The following CHCHD3 variants were observed in gnomAD, a reference collection of about 807,000 sequenced individuals.
CHCHD3 encodes the protein MICOS complex subunit MIC19.
A neutral mutation model predicts 38.2 loss-of-function variants in CHCHD3; 20 were observed. That is an observed-to-expected ratio of 0.52 (90% CI 0.37 to 0.76). The LOEUF is 0.76. Ranked by LOEUF, CHCHD3 falls within the 30% of genes least tolerant of loss-of-function variation. The pLI is 0.00. For missense variants in CHCHD3, 245 were observed against 279.2 expected (o/e 0.88, Z 0.87); for synonymous variants, 82 against 100.0 (o/e 0.82, Z 1.07).
At chr7:133,039,601 C>T (rs1401738310) in intron 2 of CHCHD3, among the ~76,000 whole-genome samples, 1 of 152,190 alleles carries the variant, frequency 6.6e-6, no homozygotes, top group African/African-American at 2.4e-5. Flanking sequence ...CCAACATTTT[C>T]CGCACTTGAA....
chr7:133,079,830 T>C (rs1330539134), intron 1 of CHCHD3, among the ~76,000 whole-genome samples: 1 of 152,236 alleles, frequency 6.6e-6, no homozygotes, highest in Non-Finnish European at 1.5e-5. Flanking sequence ...TAATTTCAAG[T>C]TGATACTCTT....
chr7:132,888,880 G>T (rs1327408011), intron 4 of CHCHD3, among the ~76,000 whole-genome samples: 1 of 152,076 alleles, frequency 6.6e-6, no homozygotes, highest in Non-Finnish European at 1.5e-5. Flanking sequence ...GGGAGGAGCA[G>T]AAGGGAGGGA....
intron 5 of CHCHD3, among the ~76,000 whole-genome samples, chr7:132,860,809 A>C (rs1808472031): frequency 2.0e-5 from 3 of 152,156 alleles, no homozygotes; most frequent in Admixed American, 6.5e-5. Context: ...TTTTTAGTAG[A>C]GACAAGGTTT....
intron 7 of CHCHD3, among the ~76,000 whole-genome samples, chr7:132,794,483 G>A (rs534221453): frequency 1.3e-5 from 2 of 152,252 alleles, no homozygotes; most frequent in Admixed American, 6.5e-5. Context: ...AACTACTGCC[G>A]AAATGTAAGG....
At chr7:132,965,152 TA>T (rs1025170578) in intron 4 of CHCHD3, among the ~76,000 whole-genome samples, 2 of 152,076 alleles carry the variant, frequency 1.3e-5, no homozygotes, top group Non-Finnish European at 2.9e-5. Context: ...TTAGCTGCAG[TA>T]ATTTCTGCTT....
At chr7:132,843,795 C>A (rs1277632636) in intron 5 of CHCHD3, among the ~76,000 whole-genome samples, 7 of 152,064 alleles carry the variant, frequency 4.6e-5, no homozygotes, top group Non-Finnish European at 1.0e-4. Flanking sequence ...GTTAACCCTG[C>A]AGTTCGTAGT....
intron 4 of CHCHD3, among the ~76,000 whole-genome samples, chr7:132,893,582 T>C (rs967638098): frequency 2.0e-5 from 3 of 152,232 alleles, no homozygotes; most frequent in African/African-American, 7.2e-5. Flanking sequence ...CAGGGTGGAA[T>C]GACATGGTTT....
At chr7:132,996,074 T>C (rs948098989) in intron 3 of CHCHD3, among the ~76,000 whole-genome samples, 1 of 152,206 alleles carries the variant, frequency 6.6e-6, no homozygotes, top group Non-Finnish European at 1.5e-5. Context: ...TCTAGATTTA[T>C]GGTAAAAAAA....
chr7:132,901,439 G>T (rs886475494), intron 4 of CHCHD3, among the ~76,000 whole-genome samples: 16 of 152,164 alleles, frequency 1.1e-4, no homozygotes, highest in African/African-American at 3.9e-4. Context: ...GCCATCATCT[G>T]CCCATTAAAG....
intron 4 of CHCHD3, among the ~76,000 whole-genome samples, chr7:132,961,783 C>T (rs1811327993): frequency 6.6e-6 from 1 of 152,246 alleles, no homozygotes; most frequent in Non-Finnish European, 1.5e-5. Context: ...AATCTCCCCA[C>T]TTCTCCCAGT....
intron 4 of CHCHD3, among the ~76,000 whole-genome samples, chr7:132,898,117 G>C (rs181280434): frequency 1.9e-4 from 29 of 152,244 alleles, no homozygotes; most frequent in African/African-American, 6.5e-4. Context: ...AGACCTTCGC[G>C]GTGAGTGTTA....
chr7:132,853,988 T>C (rs1298856762), intron 5 of CHCHD3, among the ~76,000 whole-genome samples: 2 of 152,216 alleles, frequency 1.3e-5, no homozygotes, highest in African/African-American at 4.8e-5. Flanking sequence ...GATTTTACCC[T>C]ATCAAACTGG....
chr7:133,027,387 A>AGAG (rs1562941602), intron 2 of CHCHD3, among the ~76,000 whole-genome samples: 3 of 59,360 alleles, frequency 5.1e-5, no homozygotes, highest in African/African-American at 1.4e-4. Flanking sequence ...GAGAGAGAGA[A>AGAG]AGAGAGAGAG....
At chr7:132,815,501 A>G in intron 6 of CHCHD3, 1 of 451,726 alleles carries the variant, frequency 2.2e-6, no homozygotes, top group African/African-American at 2.0e-5. Context: ...AATGCCAGTC[A>G]CAGTTTCACT....
intron 2 of CHCHD3, among the ~76,000 whole-genome samples, chr7:133,057,270 T>G (rs1346674759): frequency 2.0e-5 from 3 of 152,142 alleles, no homozygotes; most frequent in African/African-American, 7.2e-5. Context: ...CCTTAAAAAG[T>G]TTCAGTTCAG....
At chr7:132,932,375 C>T (rs1401711656) in intron 4 of CHCHD3, among the ~76,000 whole-genome samples, 1 of 152,170 alleles carries the variant, frequency 6.6e-6, no homozygotes, top group African/African-American at 2.4e-5. Context: ...AGGAGGGACA[C>T]AGAAAAGAAT....
chr7:132,995,059 T>C (rs1475439746), intron 3 of CHCHD3, among the ~76,000 whole-genome samples: 1 of 152,234 alleles, frequency 6.6e-6, no homozygotes, highest in Non-Finnish European at 1.5e-5. Flanking sequence ...AATACATTGA[T>C]TTTAAAGCCA....
intron 4 of CHCHD3, among the ~76,000 whole-genome samples, chr7:132,896,403 T>A (rs960505838): frequency 1.3e-5 from 2 of 152,194 alleles, no homozygotes; most frequent in Non-Finnish European, 2.9e-5. Context: ...ATATAATTCC[T>A]GAGAACAAGG....
intron 3 of CHCHD3, among the ~76,000 whole-genome samples, chr7:133,013,398 A>T (rs1812939063): frequency 6.6e-6 from 1 of 152,056 alleles, no homozygotes; most frequent in African/African-American, 2.4e-5. Flanking sequence ...CGGCTACTTC[A>T]TCTACAAAGT....
Sources: gnomAD v4.1 joint callset for allele counts (sites outside exome capture counted in the v4.1 genomes callset) on GRCh38, gnomAD v4.1.1 for gene constraint, MANE v1.5 for transcripts, NCBI Gene and HGNC (gene_info 2026-07-23, HGNC 2026-07-21) for gene names.